The following MAP3K7 variants were observed in gnomAD, a reference collection of about 807,000 sequenced individuals.
MAP3K7 encodes mitogen-activated protein kinase kinase kinase 7.
A neutral mutation model predicts 84.8 loss-of-function variants in MAP3K7; 21 were observed. That is an observed-to-expected ratio of 0.25 (90% CI 0.18 to 0.36). The LOEUF is 0.36. Among genes scored for constraint, MAP3K7 ranks in the 10% least tolerant of loss-of-function variants. The probability of loss-of-function intolerance (pLI) is 1.00; values close to 1 mark genes in which losing one functional copy is unlikely to be tolerated. For missense variants in MAP3K7, 503 were observed against 747.7 expected (o/e 0.67, Z 3.82); for synonymous variants, 241 against 247.7 (o/e 0.97, Z 0.25).
chr6:90,554,804 A>T (rs1582206746), intron 6 of MAP3K7, among the ~76,000 whole-genome samples: 1 of 152,244 alleles, frequency 6.6e-6, no homozygotes, highest in African/African-American at 2.4e-5. Context: ...TCAAATGTAT[A>T]CATTCTGTAT....
In MAP3K7 at chr6:90,526,272, G is replaced by A. The variant is rs376766001; in HGVS notation, c.1357-2489C>T. 5.3e-5 allele frequency among the ~76,000 whole-genome samples: 8 copies of A among 152,046 alleles called. No homozygotes were observed. The East Asian group carries it at 5.8e-4, about 11-fold the overall frequency. Reference sequence around the variant, plus strand: ...TTAATCTAAACATAAGTGACTTTACGCCTAGCAAATGAAGAATACACATTC... The same window carrying A: ...TTAATCTAAACATAAGTGACTTTACACCTAGCAAATGAAGAATACACATTC... On this transcript the variant is annotated intron_variant, in intron 13 of 16. Transcript: ENST00000369329.
chr6:90,560,300 G>A, intron 4 of MAP3K7, 86 bp from the exon 5 acceptor site: 2 of 1,373,618 alleles, frequency 1.5e-6, no homozygotes, highest in Non-Finnish European at 2.0e-6. Context: ...CAGAACACAT[G>A]ACTGGGTATT....
At position 90,587,060 on chromosome 6, in the gene MAP3K7, T is replaced by G. The variant is rs1191926121; in HGVS notation, c.-177A>C. The stretch of plus-strand genomic sequence containing the variant: ...CAGCCGTGTCCGGCTCTGGCTCCGC[T>G]GCGTTTTCCGCCGACGGGCCCCGCC... On this transcript the variant is annotated 5_prime_UTR_variant, in exon 1 of 17. Coordinates refer to ENST00000369329, the MANE Select transcript of MAP3K7 (RefSeq NM_145331.3). 7.1e-6 allele frequency: 5 copies of G among 703,610 alleles called. No homozygotes were observed. Among genetic ancestry groups the G allele is most frequent in the South Asian group, 5.2e-5 (2 of 38,238 alleles). The allele number at this position is 703,610 out of a possible 1,614,324, so 43.6% of individuals were successfully genotyped here.
At chr6:90,566,434 C>A (rs1776706962) in intron 3 of MAP3K7, among the ~76,000 whole-genome samples, 1 of 152,038 alleles carries the variant, frequency 6.6e-6, no homozygotes, top group African/African-American at 2.4e-5. Flanking sequence ...AAACAGAGAG[C>A]CAAATCATGA....
chr6:90,549,976 T>C (rs560996982), intron 9 of MAP3K7, among the ~76,000 whole-genome samples: 21 of 152,290 alleles, frequency 1.4e-4, no homozygotes, highest in Non-Finnish European at 2.6e-4. Flanking sequence ...AGTTACAGTA[T>C]TATTTCTACT....
intron 1 of MAP3K7, among the ~76,000 whole-genome samples, chr6:90,584,033 C>T (rs911428469): frequency 1.3e-5 from 2 of 152,066 alleles, no homozygotes; most frequent in Non-Finnish European, 1.5e-5. Flanking sequence ...GCATATTTGG[C>T]CTGTAGTTGA....
chr6:90,527,866 C>CT (rs991440454), intron 13 of MAP3K7, among the ~76,000 whole-genome samples: 531 of 44,646 alleles, frequency 0.012, 231 homozygotes, highest in African/African-American at 0.032. Flanking sequence ...TTCATAAGGA[C>CT]TTTTTTTTTT....
intron 16 of MAP3K7, 136 bp downstream of exon 16, chr6:90,518,311 A>AG: frequency 1.8e-6 from 1 of 569,464 alleles, no homozygotes; most frequent in African/African-American, 1.9e-5. Flanking sequence ...TTTTAGTAAA[A>AG]GGGTGCTTAA....
chr6:90,567,352 TAAAC>T (rs1166211786), intron 3 of MAP3K7, among the ~76,000 whole-genome samples: 17 of 151,980 alleles, frequency 1.1e-4, no homozygotes, highest in Admixed American at 1.0e-3. Flanking sequence ...ACAAAGAACT[TAAAC>T]AAATTTACAA....
At chr6:90,564,025 T>A (rs1005803311) in intron 3 of MAP3K7, among the ~76,000 whole-genome samples, 5 of 152,158 alleles carry the variant, frequency 3.3e-5, no homozygotes, top group African/African-American at 1.2e-4. Context: ...TGCTGACAGA[T>A]TTTGTCACTA....
At chr6:90,520,608 A>G (rs1775118730) in intron 14 of MAP3K7, among the ~76,000 whole-genome samples, 1 of 152,072 alleles carries the variant, frequency 6.6e-6, no homozygotes, top group Admixed American at 6.6e-5. Flanking sequence ...TATGAATTCC[A>G]TATTGAAAAA....
intron 1 of MAP3K7, among the ~76,000 whole-genome samples, chr6:90,581,071 A>G (rs1777254230): frequency 6.6e-6 from 1 of 152,228 alleles, no homozygotes; most frequent in Non-Finnish European, 1.5e-5. Context: ...AAAAACAAAA[A>G]TCAGGTTTTG....
intron 5 of MAP3K7, among the ~76,000 whole-genome samples, chr6:90,557,642 G>A (rs1306136401): frequency 6.6e-6 from 1 of 152,082 alleles, no homozygotes; most frequent in East Asian, 1.9e-4. Flanking sequence ...TAAGAACTCT[G>A]TAACTAGTTT....
intron 1 of MAP3K7, among the ~76,000 whole-genome samples, chr6:90,583,570 T>C (rs1012684749): frequency 2.6e-5 from 4 of 152,304 alleles, no homozygotes; most frequent in African/African-American, 7.2e-5. Context: ...AAGCTTACTA[T>C]AGAAAACAGT....
chr6:90,572,754 A>G (rs1776949140), intron 1 of MAP3K7, among the ~76,000 whole-genome samples: 1 of 152,142 alleles, frequency 6.6e-6, no homozygotes, highest in African/African-American at 2.4e-5. Flanking sequence ...TGTTGAAGCC[A>G]ACTGATGAAT....
chr6:90,572,046 C>T (rs186356870), intron 1 of MAP3K7, among the ~76,000 whole-genome samples: 1 of 151,800 alleles, frequency 6.6e-6, no homozygotes, highest in African/African-American at 2.4e-5. Context: ...TCTGTACACC[C>T]TTTCATTCTC....
rs1368061177 is a variant in MAP3K7, at chr6:90,547,289, A to G, written c.1179T>C (p.Ser393=). ...TTGCGGCGATCCTAGCTTCTATTTC[A>G]GACATGTCAGCACTCATCCTCTTGC... ...SEGKRMSADM[S]EIEARIAATT... Residue 393 remains serine (S), a synonymous_variant, in exon 11 of 17, where the codon TCT becomes TCC. Coordinates refer to ENST00000369329, the MANE Select transcript of MAP3K7 (RefSeq NM_145331.3). 1 of 1,613,470 alleles carries G rather than the reference A, an allele frequency of 6.2e-7. No homozygotes were observed. The highest frequency in any genetic ancestry group is 1.3e-5 in the African/African-American group (1 of 74,938).
intron 4 of MAP3K7, among the ~76,000 whole-genome samples, chr6:90,561,053 T>C (rs1043986850): frequency 1.3e-5 from 2 of 151,886 alleles, no homozygotes; most frequent in Non-Finnish European, 2.9e-5. Flanking sequence ...CATAAAATAA[T>C]ACTAATTAAA....
intron 11 of MAP3K7, among the ~76,000 whole-genome samples, chr6:90,545,269 A>G (rs1449018007): frequency 6.6e-6 from 1 of 152,160 alleles, no homozygotes; most frequent in Non-Finnish European, 1.5e-5. Context: ...CTTTCCAAGT[A>G]AGACAATTCA....
Sources: gnomAD v4.1 joint callset for allele counts (sites outside exome capture counted in the v4.1 genomes callset) on GRCh38, gnomAD v4.1.1 for gene constraint, MANE v1.5 for transcripts, NCBI Gene and HGNC (gene_info 2026-07-23, HGNC 2026-07-21) for gene names.